Variants in VPS53 observed in about 807,000 individuals in gnomAD.
VPS53 encodes vacuolar protein sorting-associated protein 53 homolog.
VPS53 carries 70 observed loss-of-function variants against 107.0 expected under a neutral mutation model. The observed-to-expected ratio is 0.65, with a 90% CI of 0.54 to 0.80. VPS53 has a LOEUF of 0.80. Among genes scored for constraint, VPS53 ranks in the 30% least tolerant of loss-of-function variants. The probability of loss-of-function intolerance (pLI) is 0.00; values close to 1 mark genes in which losing one functional copy is unlikely to be tolerated. For missense variants in VPS53, 917 were observed against 1,049.4 expected (o/e 0.87, Z 1.74); for synonymous variants, 409 against 393.3 (o/e 1.04, Z -0.47).
rs139492470 is a variant in VPS53, at chr17:681,415, G to A, written c.285+16003C>T. 2.2e-3 allele frequency among the ~76,000 whole-genome samples: 333 copies of A among 152,344 alleles called. 1 individual carries two copies. Among genetic ancestry groups the A allele is most frequent in the African/African-American group, 7.6e-3 (318 of 41,574 alleles). On this transcript the variant is annotated intron_variant, in intron 4 of 21. Transcript: ENST00000437048. ...CTCCCCAAGTGCTGGGATTCCAGGCGTGAGCCACTGCGCCCGGCCTACAAA... is the reference window on the plus strand; with the variant it reads ...CTCCCCAAGTGCTGGGATTCCAGGCATGAGCCACTGCGCCCGGCCTACAAA...
chr17:671,835 C>T (rs944602394), intron 4 of VPS53, among the ~76,000 whole-genome samples: 6 of 151,762 alleles, frequency 4.0e-5, no homozygotes, highest in Non-Finnish European at 7.4e-5. Context: ...ATTACAGGCA[C>T]CCGCCACCAC....
intron 12 of VPS53, among the ~76,000 whole-genome samples, chr17:592,170 T>G (rs1313124322): frequency 6.6e-6 from 1 of 152,250 alleles, no homozygotes; most frequent in Non-Finnish European, 1.5e-5. Context: ...TTTTGATCTT[T>G]GTTGGTTTAA....
intron 4 of VPS53, among the ~76,000 whole-genome samples, chr17:662,699 A>G (rs969161375): frequency 2.0e-5 from 3 of 148,044 alleles, no homozygotes; most frequent in African/African-American, 7.4e-5. Context: ...GAAAGAAAAG[A>G]AAAGAAAGAG....
intron 1 of VPS53, among the ~76,000 whole-genome samples, chr17:711,278 T>C (rs1279885468): frequency 6.6e-6 from 1 of 152,188 alleles, no homozygotes; most frequent in Non-Finnish European, 1.5e-5. Context: ...ACAAGGTGGA[T>C]GATACAAGCA....
intron 11 of VPS53, among the ~76,000 whole-genome samples, chr17:612,903 TCA>T (rs1275858443): frequency 1.3e-5 from 2 of 149,924 alleles, no homozygotes; most frequent in African/African-American, 5.0e-5. Flanking sequence ...TTCACATAGT[TCA>T]CACAGTGAAA....
intron 4 of VPS53, among the ~76,000 whole-genome samples, chr17:688,583 C>T (rs1377403719): frequency 3.3e-5 from 5 of 152,098 alleles, no homozygotes; most frequent in African/African-American, 1.2e-4. Context: ...TTTTATGAGT[C>T]CCCGCCTCAA....
intron 17 of VPS53, among the ~76,000 whole-genome samples, chr17:543,451 G>A (rs1910863861): frequency 2.0e-5 from 3 of 151,976 alleles, no homozygotes; most frequent in Admixed American, 2.0e-4. Flanking sequence ...ACCATTAATA[G>A]GCAAAACACT....
chr17:666,681 C>A (rs1018608723), intron 4 of VPS53, among the ~76,000 whole-genome samples: 9 of 151,536 alleles, frequency 5.9e-5, no homozygotes, highest in East Asian at 1.9e-4. Flanking sequence ...ACAACAACAA[C>A]AAAAAACTCA....
Position 524,641 on chromosome 17 carries a change from G to A in VPS53, c.2086-2903C>T, listed in dbSNP as rs1247052282. On this transcript the variant is annotated intron_variant, in intron 19 of 21. Transcript: ENST00000437048. This position sits in a 1 kb window ranked among gnomAD's most constrained non-coding sequence, Gnocchi z 4.5. ...TATGAAATGACACGCAACCTGGTTAGTAACTGGGAAATGCAAATTAAAACC... is the reference window on the plus strand; with the variant it reads ...TATGAAATGACACGCAACCTGGTTAATAACTGGGAAATGCAAATTAAAACC... 6.6e-6 allele frequency among the ~76,000 whole-genome samples: 1 copy of A among 152,242 alleles called. No individual in the cohort carries two copies. Among genetic ancestry groups the A allele is most frequent in the Non-Finnish European group, 1.5e-5 (1 of 68,036 alleles).
intron 4 of VPS53, among the ~76,000 whole-genome samples, chr17:683,237 G>A (rs1597483396): frequency 1.3e-5 from 2 of 152,140 alleles, no homozygotes; most frequent in East Asian, 3.9e-4. Context: ...AAGAGATAAT[G>A]GCTGAGAATT....
intron 7 of VPS53, among the ~76,000 whole-genome samples, chr17:643,387 C>A (rs74619334): frequency 1.4e-4 from 18 of 129,630 alleles, no homozygotes; most frequent in African/African-American, 3.8e-4. Context: ...TCATACTTGG[C>A]AACTGAGGAC....
intron 5 of VPS53, chr17:656,699 AATGTGTGTGT>A (rs1971200268): frequency 2.0e-6 from 1 of 495,666 alleles, no homozygotes; most frequent in Non-Finnish European, 3.3e-6. Flanking sequence ...CTGACTAAGA[AATGTGTGTGT>A]GTGTGTGTGT....
intron 2 of VPS53, among the ~76,000 whole-genome samples, chr17:705,039 TAA>T (rs937889892): frequency 2.0e-5 from 3 of 152,066 alleles, no homozygotes; most frequent in Admixed American, 6.6e-5. Flanking sequence ...GTATATCCAT[TAA>T]AAAAAGTTTG....
chr17:571,311 A>C (rs1914031260), intron 13 of VPS53, among the ~76,000 whole-genome samples: 1 of 152,136 alleles, frequency 6.6e-6, no homozygotes, highest in Non-Finnish European at 1.5e-5. Flanking sequence ...AAGGAAGAGA[A>C]AAAAGAAAAG....
intron 2 of VPS53, among the ~76,000 whole-genome samples, chr17:707,844 CAAAAA>C (rs10708313): frequency 1.6e-5 from 2 of 127,000 alleles, no homozygotes; most frequent in African/African-American, 6.0e-5. Context: ...AACTCTCTTT[CAAAAA>C]AAAAAAAAAA....
At chr17:523,392 G>C (rs1908894139) in intron 19 of VPS53, 1 of 152,328 alleles carries the variant, frequency 6.6e-6, no homozygotes, top group South Asian at 2.1e-4. Flanking sequence ...CTCTGCCACT[G>C]CCTGCTTCTT....
At chr17:530,875 G>T (rs1279051863) in intron 19 of VPS53, among the ~76,000 whole-genome samples, 2 of 152,168 alleles carry the variant, frequency 1.3e-5, no homozygotes, top group Non-Finnish European at 2.9e-5. Context: ...AGTACTCAGA[G>T]AACAAAGAGC....
chr17:686,553 T>C (rs1391159164), intron 4 of VPS53, among the ~76,000 whole-genome samples: 1 of 152,162 alleles, frequency 6.6e-6, no homozygotes, highest in African/African-American at 2.4e-5. Context: ...ACAGCAGATA[T>C]TCTGGACCAT....
In VPS53 at chr17:710,923, C is replaced by A. The variant is rs766332973; in HGVS notation, c.88-310G>T. Reference sequence around the variant, plus strand: ...TCACACCACTACACTCCAGTCTGGGCGAAAGAGCAAGACTCTGTCTCAAAA... The same window carrying A: ...TCACACCACTACACTCCAGTCTGGGAGAAAGAGCAAGACTCTGTCTCAAAA... On this transcript the variant is annotated intron_variant, in intron 1 of 21. Coordinates refer to ENST00000437048, the MANE Select transcript of VPS53 (RefSeq NM_001128159.3). Among the ~76,000 whole-genome samples, 3 of 152,012 alleles carry A rather than the reference C, an allele frequency of 2.0e-5. No homozygotes were observed. In the South Asian group the frequency reaches 6.3e-4, roughly 32 times the overall value.
Sources: allele counts gnomAD v4.1 joint callset (sites outside exome capture counted in the v4.1 genomes callset), GRCh38; gene constraint gnomAD v4.1.1; non-coding constraint Gnocchi (gnomAD v3.1); transcripts MANE v1.5; gene names NCBI Gene and HGNC (gene_info 2026-07-23, HGNC 2026-07-21).